The following SOS1 variants were observed in gnomAD, a reference collection of about 807,000 sequenced individuals.
SOS1 encodes the protein son of sevenless homolog 1.
A neutral mutation model predicts 157.6 loss-of-function variants in SOS1; 25 were observed. The ratio of observed to expected loss-of-function variants is 0.16; its 90% confidence interval spans 0.12 to 0.22. The LOEUF is 0.22. SOS1 is among the 10% of genes least tolerant of loss of function. SOS1 has a pLI of 1.00. For missense variants in SOS1, 1,237 were observed against 1,599.1 expected (o/e 0.77, Z 3.86); for synonymous variants, 528 against 534.0 (o/e 0.99, Z 0.16).
intron 6 of SOS1, among the ~76,000 whole-genome samples, chr2:39,037,231 A>G (rs973524828): frequency 4.6e-5 from 7 of 152,256 alleles, no homozygotes; most frequent in Non-Finnish European, 7.3e-5. Context: ...TTCAAAAACA[A>G]CAAGAGGATG....
chr2:39,111,983 G>A (rs1248306072), intron 1 of SOS1, among the ~76,000 whole-genome samples: 1 of 151,820 alleles, frequency 6.6e-6, no homozygotes, highest in East Asian at 1.9e-4. Context: ...GCCCTCCTTG[G>A]CCTCTATCTC....
intron 1 of SOS1, among the ~76,000 whole-genome samples, chr2:39,105,119 G>GT: frequency 6.6e-6 from 1 of 152,198 alleles, no homozygotes; most frequent in African/African-American, 2.4e-5. Flanking sequence ...TTAATTATCA[G>GT]TAAGTGCATT....
rs773282660 is a variant in SOS1, at chr2:39,120,455, G to GGGC, written c.-36_-34dup. On this transcript the variant is annotated 5_prime_UTR_variant, in exon 1 of 23. Transcript: ENST00000402219. ...CCGGGGCGCCTCTGGGCGGGGAGAG[G>GGGC]GGCGGCGGCGGCCGGGCCAGGGAGC... 10 of 1,542,726 alleles carry GGGC rather than the reference G, an allele frequency of 6.5e-6. No individual in the cohort carries two copies. The highest frequency in any genetic ancestry group is 5.1e-5 in the East Asian group (2 of 39,114).
chr2:38,987,409 C>T (rs1668589305), intron 22 of SOS1, 64 bp downstream of exon 22: 2 of 824,916 alleles, frequency 2.4e-6, no homozygotes, highest in Non-Finnish European at 4.2e-6. Context: ...CTAAACTAGA[C>T]AGCCGTTTAT....
At position 38,984,289 on chromosome 2, in the gene SOS1, C is replaced by T. The variant is rs1668487434; in HGVS notation, c.*1535G>A. 3.3e-5 allele frequency: 5 copies of T among 152,212 alleles called. No individual in the cohort carries two copies. The South Asian group carries it at 8.3e-4, about 25-fold the overall frequency. The allele number at this position is 152,212 out of a possible 1,614,324, so 9.4% of individuals were successfully genotyped here. On this transcript the variant is annotated 3_prime_UTR_variant, in exon 23 of 23. Transcript: ENST00000402219. ...GGAGATTAATAAAATGTTTTCTCTT[C>T]AACAAGGTGCATGCATTTCAGTCAC... is the stretch of plus-strand genomic sequence containing the variant.
In SOS1 at chr2:39,100,297, C is replaced by G. The variant is rs548317658; in HGVS notation, c.87+20039G>C. On this transcript the variant is annotated intron_variant, in intron 1 of 22. Transcript: ENST00000402219. The stretch of plus-strand genomic sequence containing the variant: ...ACTTAAAAATAGAACTACCATATGA[C>G]CTAGCTGGGTATGTACTCAAAGGAA... Among the ~76,000 whole-genome samples the G allele has an allele frequency of 6.6e-5, 10 of 152,192 alleles. No homozygotes were observed. The South Asian group carries it at 2.1e-3, about 32-fold the overall frequency.
intron 1 of SOS1, among the ~76,000 whole-genome samples, chr2:39,095,748 G>A (rs779318860): frequency 6.6e-6 from 1 of 152,150 alleles, no homozygotes; most frequent in Non-Finnish European, 1.5e-5. Flanking sequence ...TGTGCAAAGA[G>A]GACAGAGAGG....
chr2:39,084,958 A>C (rs532990475), intron 1 of SOS1, among the ~76,000 whole-genome samples: 1 of 152,136 alleles, frequency 6.6e-6, no homozygotes, highest in Non-Finnish European at 1.5e-5. Context: ...TCCCTTTATC[A>C]ATGATGTCCT....
chr2:39,082,344 A>G (rs956071074), intron 1 of SOS1, among the ~76,000 whole-genome samples: 1 of 152,218 alleles, frequency 6.6e-6, no homozygotes, highest in Non-Finnish European at 1.5e-5. Flanking sequence ...GAAAAGCAGA[A>G]TAAGACAAAG....
chr2:39,013,588 T>A, intron 12 of SOS1, 25 bp from the exon 13 acceptor site: 2 of 1,377,466 alleles, frequency 1.5e-6, no homozygotes, highest in Admixed American at 3.4e-5. Context: ...CAGAATTGAA[T>A]TACATGGGAA....
chr2:38,998,709 C>T (rs765569257), intron 17 of SOS1, among the ~76,000 whole-genome samples: 2 of 152,094 alleles, frequency 1.3e-5, no homozygotes, highest in Non-Finnish European at 2.9e-5. Context: ...ATTAATTAGC[C>T]GTGGTTGTGA....
At chr2:39,018,857 ACAAT>A (rs1350073932) in intron 10 of SOS1, among the ~76,000 whole-genome samples, 1 of 151,896 alleles carries the variant, frequency 6.6e-6, no homozygotes, top group Non-Finnish European at 1.5e-5. Context: ...GGATTTATAA[ACAAT>A]CAGTCTTGAA....
chr2:39,013,656 C>G, intron 12 of SOS1, 93 bp from the exon 13 acceptor site: 1 of 988,914 alleles, frequency 1.0e-6, no homozygotes, highest in Non-Finnish European at 1.6e-6. Flanking sequence ...TGCAGTAACT[C>G]TTACCAAATT....
In SOS1 at chr2:39,120,589, G is replaced by C. The variant is rs1673841669; in HGVS notation, c.-167C>G. ...CTAGCCCTGGCGAGGGGGCTGGGGGGCGAGGCCCGCGCCTGGCCACCCACC... is the reference window on the plus strand; with the variant it reads ...CTAGCCCTGGCGAGGGGGCTGGGGGCCGAGGCCCGCGCCTGGCCACCCACC... On this transcript the variant is annotated 5_prime_UTR_variant, in exon 1 of 23. Coordinates refer to ENST00000402219, the MANE Select transcript of SOS1 (RefSeq NM_005633.4). The C allele has an allele frequency of 1.3e-6, 1 of 759,550 alleles. No individual in the cohort carries two copies. Among genetic ancestry groups the C allele is most frequent in the East Asian group, 1.1e-4 (1 of 8,960 alleles). The allele number at this position is 759,550 out of a possible 1,614,324, so 47.1% of individuals were successfully genotyped here. A position where few individuals can be genotyped will look rare whatever the true frequency, so the allele number is the denominator to read the frequency against.
intron 8 of SOS1, among the ~76,000 whole-genome samples, chr2:39,029,654 C>T (rs1670088948): frequency 1.3e-5 from 2 of 151,658 alleles, no homozygotes; most frequent in African/African-American, 4.8e-5. Context: ...AACAAAACCC[C>T]AAACACCAAA....
intron 1 of SOS1, among the ~76,000 whole-genome samples, chr2:39,081,347 C>G (rs1312111788): frequency 6.6e-6 from 1 of 151,826 alleles, no homozygotes; most frequent in East Asian, 1.9e-4. Context: ...TGGTGAAACC[C>G]CGTCTCTAAT....
chr2:39,072,150 T>C (rs895080747), intron 1 of SOS1, among the ~76,000 whole-genome samples: 2 of 152,208 alleles, frequency 1.3e-5, no homozygotes, highest in Admixed American at 6.5e-5. Flanking sequence ...ATACTCTTAC[T>C]GGGTTAATCC....
At chr2:39,003,446 G>T (rs1669178034) in intron 17 of SOS1, among the ~76,000 whole-genome samples, 1 of 152,084 alleles carries the variant, frequency 6.6e-6, no homozygotes, top group South Asian at 2.1e-4. Context: ...TTAAAGCTTT[G>T]TTTGGGAAGT....
chr2:39,039,421 G>A (rs749828033), intron 6 of SOS1, among the ~76,000 whole-genome samples: 1 of 152,114 alleles, frequency 6.6e-6, no homozygotes, highest in Non-Finnish European at 1.5e-5. Context: ...TTTCCCAGTT[G>A]TCCACTTCCT....
Sources: gnomAD v4.1 joint callset for allele counts (sites outside exome capture counted in the v4.1 genomes callset) on GRCh38, gnomAD v4.1.1 for gene constraint, MANE v1.5 for transcripts, NCBI Gene and HGNC (gene_info 2026-07-23, HGNC 2026-07-21) for gene names.